RCAN1: variants seen among roughly 807,000 people sequenced by gnomAD.
The protein encoded by RCAN1 is calcipressin-1.
Under a neutral mutation model 22.9 loss-of-function variants are expected in RCAN1, and 11 were observed. The observed-to-expected ratio is 0.48, with a 90% CI of 0.30 to 0.79. The LOEUF (loss-of-function observed/expected upper bound fraction) is 0.79, where lower values mean the gene tolerates loss of function less well. Ranked by LOEUF, RCAN1 falls within the 30% of genes least tolerant of loss-of-function variation. The pLI, the probability that RCAN1 is intolerant of heterozygous loss-of-function variation, is 0.06. For missense variants in RCAN1, 291 were observed against 337.8 expected, an observed-to-expected ratio of 0.86 and a Z score of 1.09; for synonymous variants, 136 against 142.3, an observed-to-expected ratio of 0.96 and a Z score of 0.32.
chr21:34,610,854 A>C (rs936548866), intron 1 of RCAN1, among the ~76,000 whole-genome samples: 3 of 152,238 alleles, frequency 2.0e-5, no homozygotes, highest in Non-Finnish European at 4.4e-5. Context: ...TTGTTATTAA[A>C]AGAAAGTCAT....
chr21:34,605,397 C>G (rs1296235684), intron 1 of RCAN1, among the ~76,000 whole-genome samples: 1 of 152,210 alleles, frequency 6.6e-6, no homozygotes, highest in Non-Finnish European at 1.5e-5. Flanking sequence ...TACTCCTTAA[C>G]AAACTCCCTT....
At chr21:34,574,360 A>T (rs1987336904) in intron 1 of RCAN1, among the ~76,000 whole-genome samples, 1 of 152,236 alleles carries the variant, frequency 6.6e-6, no homozygotes, top group Non-Finnish European at 1.5e-5. Flanking sequence ...ATTTTCAAGA[A>T]ATCAGACAAC....
At chr21:34,592,300 C>T (rs1987999519) in intron 1 of RCAN1, among the ~76,000 whole-genome samples, 1 of 152,212 alleles carries the variant, frequency 6.6e-6, no homozygotes. Flanking sequence ...AGACACACTC[C>T]TGGAACAGCA....
rs1380093186 is a variant in RCAN1, at chr21:34,517,250, C to A, written c.*834G>T. 2 of 152,216 alleles carry A rather than the reference C, an allele frequency of 1.3e-5. No individual in the cohort carries two copies. Among genetic ancestry groups the A allele is most frequent in the African/African-American group, 2.4e-5 (1 of 41,454 alleles). 9.4% of individuals were successfully genotyped at this position (152,216 alleles called of 1,614,324 possible). On this transcript the variant is annotated 3_prime_UTR_variant, in exon 4 of 4. Coordinates refer to ENST00000313806, the MANE Select transcript of RCAN1 (RefSeq NM_004414.7). ...GAAACTGAGGTCCGATCCCAAACAC[C>A]TAAACTAAAATTTCTCACCCACTAA...
chr21:34,584,166 C>T (rs890469620), intron 1 of RCAN1, among the ~76,000 whole-genome samples: 6 of 152,280 alleles, frequency 3.9e-5, no homozygotes, highest in Admixed American at 6.5e-5. Flanking sequence ...GTATTCTAGA[C>T]GCAGAAAAAT....
At position 34,614,417 on chromosome 21, in the gene RCAN1, A is replaced by C; in HGVS notation, c.252+343T>G. 1.0e-6 allele frequency: 1 copy of C among 1,001,306 alleles called. No individual in the cohort carries two copies. The highest frequency in any genetic ancestry group is 1.2e-6 in the Non-Finnish European group (1 of 840,616). 62.0% of individuals were successfully genotyped at this position (1,001,306 alleles called of 1,614,324 possible). ...AGGTGACCCCCTCCTCCAGCGAGTA[A>C]ATGCGGGGCGATGGCGAGAGCGCAG... On this transcript the variant is annotated intron_variant, in intron 1 of 3. Transcript: ENST00000313806. The surrounding 1 kb of genome is among the most constrained non-coding windows in gnomAD (Gnocchi z 6.0).
At chr21:34,571,281 G>A (rs1052955187) in intron 1 of RCAN1, among the ~76,000 whole-genome samples, 2 of 152,066 alleles carry the variant, frequency 1.3e-5, no homozygotes, top group South Asian at 2.1e-4. Flanking sequence ...CAACAAGAGC[G>A]AAACTCCATC....
intron 2 of RCAN1, chr21:34,521,960 T>C (rs1474697366): frequency 9.3e-6 from 3 of 322,348 alleles, no homozygotes; most frequent in Non-Finnish European, 1.7e-5. Context: ...GACTTTAGTA[T>C]ATATGGAAAT....
At chr21:34,528,326 C>T (rs777738827) in intron 1 of RCAN1, among the ~76,000 whole-genome samples, 22 of 152,302 alleles carry the variant, frequency 1.4e-4, no homozygotes, top group South Asian at 2.1e-4. Flanking sequence ...TTAATTTCAA[C>T]GCACTGTGCC....
chr21:34,557,146 G>A (rs1057360979), intron 1 of RCAN1, among the ~76,000 whole-genome samples: 1 of 152,230 alleles, frequency 6.6e-6, no homozygotes, highest in Non-Finnish European at 1.5e-5. Context: ...CCGGGAGGCG[G>A]AGGTTGCAGT....
chr21:34,568,768 C>A (rs1005729991), intron 1 of RCAN1, among the ~76,000 whole-genome samples: 2 of 152,228 alleles, frequency 1.3e-5, no homozygotes, highest in Non-Finnish European at 2.9e-5. Flanking sequence ...CATTTCATCC[C>A]TTTTTTCTTC....
At chr21:34,523,779 C>A in intron 1 of RCAN1, 69 bp from the exon 2 acceptor site, 3 of 1,270,028 alleles carry the variant, frequency 2.4e-6, no homozygotes, top group South Asian at 1.4e-5. Flanking sequence ...TAGATGATGT[C>A]ATTACTTTTT....
intron 1 of RCAN1, among the ~76,000 whole-genome samples, chr21:34,552,933 G>A (rs910225369): frequency 2.0e-5 from 3 of 152,188 alleles, no homozygotes; most frequent in Middle Eastern, 3.4e-3. Flanking sequence ...CCCCATTTGC[G>A]CAAGTTTTTC....
intron 1 of RCAN1, among the ~76,000 whole-genome samples, chr21:34,543,240 G>A (rs1985996158): frequency 6.6e-6 from 1 of 152,242 alleles, no homozygotes; most frequent in Non-Finnish European, 1.5e-5. Flanking sequence ...CTCTGCAGGT[G>A]TGACTAAGCT....
Position 34,517,744 on chromosome 21 carries a change from A to G in RCAN1, c.*340T>C, listed in dbSNP as rs1381405864. On this transcript the variant is annotated 3_prime_UTR_variant, in exon 4 of 4. Transcript: ENST00000313806. The stretch of plus-strand genomic sequence containing the variant: ...AAACAGGAAGCTCTCTCCTGAGCTC[A>G]CTGATCAACCTGCCCTTGGCACAGA... 8.2e-6 allele frequency: 2 copies of G among 242,516 alleles called. No homozygotes were observed. The highest frequency in any genetic ancestry group is 5.3e-5 in the Admixed American group (1 of 18,930). The allele number at this position is 242,516 out of a possible 1,614,324, so 15.0% of individuals were successfully genotyped here. A position where few individuals can be genotyped will look rare whatever the true frequency, so the allele number is the denominator to read the frequency against.
intron 1 of RCAN1, among the ~76,000 whole-genome samples, chr21:34,606,457 A>C (rs1416243289): frequency 6.6e-6 from 1 of 152,244 alleles, no homozygotes; most frequent in African/African-American, 2.4e-5. Context: ...CATGTATTAC[A>C]TAAATAGGGT....
At chr21:34,611,553 A>G (rs1988688047) in intron 1 of RCAN1, among the ~76,000 whole-genome samples, 1 of 152,192 alleles carries the variant, frequency 6.6e-6, no homozygotes, top group Admixed American at 6.5e-5. Flanking sequence ...ATGTGACTAT[A>G]TATAAAGAAG....
chr21:34,521,627 G>A lies in RCAN1; in HGVS notation c.458C>T (p.Pro153Leu), dbSNP rs145120179. ...TLHIGSSHLA[P>L]PNPDKQFLIS... ...CAGAAACTGCTTGTCTGGATTTGGC[G>A]GAGCCAGGTGTGAGCTTCCTATGTG... The change falls in exon 3 of 4, where the codon CCG becomes CTG. Residue 153 changes from proline (P) to leucine (L), a missense_variant. Physicochemically the swap from Pro to Leu is moderately conservative, Grantham distance 98. Transcript: ENST00000313806. 1,535 of 1,613,508 alleles carry A rather than the reference G, an allele frequency of 9.5e-4. 3 individuals carry two copies. Among genetic ancestry groups the A allele is most frequent in the Non-Finnish European group, 1.1e-3 (1,293 of 1,179,678 alleles).
At chr21:34,524,439 C>T (rs567179689) in intron 1 of RCAN1, 3 of 152,056 alleles carry the variant, frequency 2.0e-5, no homozygotes, top group South Asian at 2.1e-4. Flanking sequence ...CCAACCCCAC[C>T]GTTCAGCTCA....
Sources: gnomAD v4.1 joint callset for allele counts (sites outside exome capture counted in the v4.1 genomes callset) on GRCh38, gnomAD v4.1.1 for gene constraint, Gnocchi (gnomAD v3.1) non-coding constraint, MANE v1.5 for transcripts, NCBI Gene and HGNC (gene_info 2026-07-23, HGNC 2026-07-21) for gene names.